The following ABCC1 variants were observed in gnomAD, a reference collection of about 807,000 sequenced individuals.
ABCC1 encodes ATP binding cassette subfamily C member 1 (ABCC1 blood group), also known as multidrug resistance-associated protein 1.
Under a neutral mutation model 172.9 loss-of-function variants are expected in ABCC1, and 83 were observed. The ratio of observed to expected loss-of-function variants is 0.48; its 90% CI spans 0.40 to 0.58. The LOEUF (loss-of-function observed/expected upper bound fraction) is 0.58, where lower values mean the gene tolerates loss of function less well. ABCC1 is among the 20% of genes least tolerant of loss of function. The pLI, the probability that ABCC1 is intolerant of heterozygous loss-of-function variation, is 0.00. For missense variants in ABCC1, 1,817 were observed against 2,002.7 expected (o/e 0.91, Z 1.77); for synonymous variants, 937 against 825.2 (o/e 1.14, Z -2.32).
At position 15,949,654 on chromosome 16, in the gene ABCC1, G is replaced by A; in HGVS notation, c.-98G>A. On this transcript the variant is annotated 5_prime_UTR_variant, in exon 1 of 31. Coordinates refer to ENST00000399410, the MANE Select transcript of ABCC1 (RefSeq NM_004996.4). Reference sequence around the variant, plus strand: ...CCGCCAGCGCTAGCGCCAGCAGCCGGGCCCGATCACCCGCCGCCCGGTGCC... The same window carrying A: ...CCGCCAGCGCTAGCGCCAGCAGCCGAGCCCGATCACCCGCCGCCCGGTGCC... 1 of 515,262 alleles carries A rather than the reference G, an allele frequency of 1.9e-6. No homozygotes were observed. Among genetic ancestry groups the A allele is most frequent in the Non-Finnish European group, 2.4e-6 (1 of 423,980 alleles). 31.9% of individuals were successfully genotyped at this position (515,262 alleles called of 1,614,324 possible).
At chr16:15,982,914 T>C (rs9934297) in intron 1 of ABCC1, among the ~76,000 whole-genome samples, 3,003 of 150,156 alleles carry the variant, frequency 0.02, 131 homozygotes, top group African/African-American at 0.069. Context: ...TTATGACCTA[T>C]ACAAATGGCA....
rs1596455078 is a variant in ABCC1, at chr16:16,068,437, C to G, written c.1824+135C>G. ...TCCATGAGGCCCGGACAAAGGCTGC[C>G]ATGCTTTCGTCTGGTCATGCCTGAA... On this transcript the variant is annotated intron_variant, in intron 13 of 30. Coordinates refer to ENST00000399410, the MANE Select transcript of ABCC1 (RefSeq NM_004996.4). 7 of 1,019,194 alleles carry G rather than the reference C, an allele frequency of 6.9e-6. 1 individual carries two copies. The Admixed American group carries it at 1.5e-4, about 23-fold the overall frequency. 63.1% of individuals were successfully genotyped at this position (1,019,194 alleles called of 1,614,324 possible).
chr16:16,041,660 A>T (rs1248778038), intron 7 of ABCC1, among the ~76,000 whole-genome samples: 1 of 152,166 alleles, frequency 6.6e-6, no homozygotes, highest in Non-Finnish European at 1.5e-5. Context: ...TGTTAACCAG[A>T]GAAAGGAATG....
chr16:16,098,566 C>T (rs1287597761), intron 19 of ABCC1, among the ~76,000 whole-genome samples: 1 of 152,216 alleles, frequency 6.6e-6, no homozygotes, highest in Non-Finnish European at 1.5e-5. Flanking sequence ...TTGCGGTGAG[C>T]TAAGATCACG....
chr16:15,975,706 G>A (rs754370853), intron 1 of ABCC1, among the ~76,000 whole-genome samples: 4 of 151,580 alleles, frequency 2.6e-5, no homozygotes, highest in African/African-American at 4.8e-5. Context: ...ACAGGCATGC[G>A]CCACCATCTC....
chr16:16,084,398 C>T (rs1485238641), intron 17 of ABCC1, among the ~76,000 whole-genome samples: 2 of 147,282 alleles, frequency 1.4e-5, no homozygotes, highest in Non-Finnish European at 3.0e-5. Flanking sequence ...GAGTCTCTCT[C>T]TGTCGCCCAG....
intron 12 of ABCC1, chr16:16,056,635 C>G: frequency 3.1e-6 from 1 of 318,882 alleles, no homozygotes; most frequent in South Asian, 3.9e-5. Context: ...CGCCAGTGCA[C>G]TCCAGCCTGG....
chr16:16,106,936 G>A (rs2052148202), intron 21 of ABCC1, 63 bp downstream of exon 21: 2 of 1,600,616 alleles, frequency 1.2e-6, no homozygotes, highest in Non-Finnish European at 8.5e-7. Flanking sequence ...CTGTGCACTG[G>A]GCACTGTGCA....
intron 19 of ABCC1, among the ~76,000 whole-genome samples, chr16:16,101,369 T>C (rs1316650609): frequency 6.6e-6 from 1 of 152,134 alleles, no homozygotes; most frequent in Non-Finnish European, 1.5e-5. Context: ...CCGTGACTCA[T>C]TTACAACCAA....
At chr16:16,138,581 C>T in intron 30 of ABCC1, 23 bp downstream of exon 30, 1 of 1,529,270 alleles carries the variant, frequency 6.5e-7, no homozygotes, top group Non-Finnish European at 8.9e-7. Context: ...GCACAGTGGC[C>T]TCTAGGCTTT....
chr16:16,043,742 C>T, intron 7 of ABCC1, among the ~76,000 whole-genome samples: 1 of 152,150 alleles, frequency 6.6e-6, no homozygotes, highest in East Asian at 1.9e-4. Flanking sequence ...GCTGGGATTA[C>T]AGGCACCTGC....
At position 16,131,972 on chromosome 16, in the gene ABCC1, A is replaced by G. The variant is rs767149338; in HGVS notation, c.3966+37A>G. On this transcript the variant is annotated intron_variant, in intron 27 of 30. Transcript: ENST00000399410. Reference sequence around the variant, plus strand: ...TCGCCCCATTCCCTCACCCATTCCCAGTCGGGCACAGGGTGCCATCGGGCA... The same window carrying G: ...TCGCCCCATTCCCTCACCCATTCCCGGTCGGGCACAGGGTGCCATCGGGCA... The G allele has an allele frequency of 8.8e-6, 14 of 1,597,462 alleles. No individual in the cohort carries two copies. In the Admixed American group the frequency reaches 2.4e-4, roughly 27 times the overall value.
rs1332336207 is a variant in ABCC1 at position 16,033,127 on chromosome 16, A to G, written c.634A>G (p.Ser212Gly). ...CCACTAGAATCCCTGCCCAGAGTCCAGCGCTTCCTTCCTGTCGAGGATCAC... is the reference window on the plus strand; with the variant it reads ...CCACTAGAATCCCTGCCCAGAGTCCGGCGCTTCCTTCCTGTCGAGGATCAC... The part of the protein sequence containing the change: ...IHDPNPCPES[S>G]ASFLSRITFW... Residue 212 changes from serine (S) to glycine (G), a missense_variant, in exon 6 of 31, where the codon AGC becomes GGC. Physicochemically the swap from Ser to Gly is moderately conservative, Grantham distance 56 (BLOSUM62 0). Coordinates refer to ENST00000399410, the MANE Select transcript of ABCC1 (RefSeq NM_004996.4). The G allele has an allele frequency of 3.1e-6, 5 of 1,614,190 alleles. No individual in the cohort carries two copies. Among genetic ancestry groups the G allele is most frequent in the Non-Finnish European group, 3.4e-6 (4 of 1,180,028 alleles).
At chr16:16,017,844 G>A (rs2048058235) in intron 5 of ABCC1, among the ~76,000 whole-genome samples, 1 of 152,132 alleles carries the variant, frequency 6.6e-6, no homozygotes, top group Admixed American at 6.6e-5. Flanking sequence ...GTGAGGTAGT[G>A]GGTGGAGCAA....
At chr16:16,103,554 T>C (rs183774052) in intron 20 of ABCC1, among the ~76,000 whole-genome samples, 3 of 152,250 alleles carry the variant, frequency 2.0e-5, no homozygotes, top group Non-Finnish European at 2.9e-5. Flanking sequence ...CACTCCAGCC[T>C]GGGTGACAGA....
intron 12 of ABCC1, among the ~76,000 whole-genome samples, chr16:16,067,028 A>G (rs1040156023): frequency 6.6e-6 from 1 of 152,076 alleles, no homozygotes; most frequent in African/African-American, 2.4e-5. Flanking sequence ...AGGCAGGCAG[A>G]TGGCCTGAGC....
chr16:15,992,853 C>A (rs2046914383), intron 1 of ABCC1, among the ~76,000 whole-genome samples: 1 of 152,190 alleles, frequency 6.6e-6, no homozygotes. Flanking sequence ...CTTCTCCCGC[C>A]CAATCTTGGG....
chr16:15,959,001 A>G (rs541023428), intron 1 of ABCC1, among the ~76,000 whole-genome samples: 9 of 152,264 alleles, frequency 5.9e-5, no homozygotes, highest in African/African-American at 1.2e-4. Flanking sequence ...AGATGTTTCC[A>G]TATGTTCCCT....
intron 15 of ABCC1, among the ~76,000 whole-genome samples, chr16:16,078,724 C>T (rs1405439728): frequency 2.0e-5 from 3 of 152,152 alleles, no homozygotes; most frequent in East Asian, 3.9e-4. Context: ...TTGCCCAGAT[C>T]GGAGTGCAGT....
Sources: allele counts gnomAD v4.1 joint callset (sites outside exome capture counted in the v4.1 genomes callset), GRCh38; gene constraint gnomAD v4.1.1; transcripts MANE v1.5; gene names NCBI Gene and HGNC (gene_info 2026-07-23, HGNC 2026-07-21).